Variants in TEDC1 observed in about 807,000 individuals in gnomAD.
TEDC1 encodes the protein tubulin epsilon and delta complex protein 1.
In TEDC1, 54 loss-of-function variants were observed where a neutral mutation model predicts 59.9. The observed-to-expected ratio is 0.90, with a 90% confidence interval of 0.72 to 1.13. The LOEUF (loss-of-function observed/expected upper bound fraction) is 1.13, where lower values mean the gene tolerates loss of function less well. TEDC1 is among the 50% of genes most tolerant of loss of function. The pLI is 0.00. For missense variants in TEDC1, 734 were observed against 683.4 expected (o/e 1.07, Z -0.83); for synonymous variants, 353 against 298.1 (o/e 1.18, Z -1.90).
chr14:105,497,592 C>G (rs957454215), intron 7 of TEDC1, 149 bp downstream of exon 7: 1 of 1,148,244 alleles, frequency 8.7e-7, no homozygotes, highest in Non-Finnish European at 1.2e-6. Context: ...GACTTCCACT[C>G]GCCTTCTGGG....
intron 2 of TEDC1, 150 bp from the exon 3 acceptor site, chr14:105,491,957 C>A (rs2084223381): frequency 2.1e-6 from 2 of 931,258 alleles, no homozygotes; most frequent in Non-Finnish European, 3.2e-6. Flanking sequence ...GTCTCCTCAT[C>A]CTGGTCTGAG....
In TEDC1 at chr14:105,493,778, G is replaced by A. The variant is rs2084273826; in HGVS notation, c.586-57G>A. The A allele has an allele frequency of 3.2e-6, 4 of 1,269,286 alleles. No individual in the cohort carries two copies. In the South Asian group the frequency reaches 4.9e-5, roughly 16 times the overall value. 78.6% of individuals were successfully genotyped at this position (1,269,286 alleles called of 1,614,324 possible). ...ACCTCCCTGGACTCATGGAGACTCA[G>A]CGTTGGGGGAGGTGCTTGACTGCCA... On this transcript the variant is annotated intron_variant, in intron 4 of 8. Coordinates refer to ENST00000392523, the MANE Select transcript of TEDC1 (RefSeq NM_001367178.1).
chr14:105,491,660 G>T lies in TEDC1; in HGVS notation c.186G>T (p.Ser62=). The change falls in exon 2 of 9, where the codon TCG becomes TCT. Residue 62 remains serine (S), a synonymous_variant. Coordinates refer to ENST00000392523, the MANE Select transcript of TEDC1 (RefSeq NM_001367178.1). ...ALWQLLFRVL[S]PLPAGNALAS... is the part of the protein sequence containing the mutation. ...GGCAGCTCCTCTTCCGTGTGCTCTC[G>T]CCACTCCCTGCGGGCAACGCCTTGG... 1 of 1,549,544 alleles carries T rather than the reference G, an allele frequency of 6.5e-7. No homozygotes were observed. The highest frequency in any genetic ancestry group is 1.4e-5 in the African/African-American group (1 of 73,142).
At chr14:105,496,436 C>G (rs1360357368) in intron 6 of TEDC1, 1 of 273,714 alleles carries the variant, frequency 3.7e-6, no homozygotes. Flanking sequence ...TGGGTTGGAC[C>G]TGGTGTTCAA....
At chr14:105,498,006 G>A in intron 8 of TEDC1, 29 bp downstream of exon 8, 1 of 1,483,580 alleles carries the variant, frequency 6.7e-7, no homozygotes, top group South Asian at 1.3e-5. Context: ...CTGGGCACCA[G>A]CCCAGCCCCA....
rs782060512 is a variant in TEDC1 at position 105,496,431 on chromosome 14, T to G, written c.891+345T>G. On this transcript the variant is annotated intron_variant, in intron 6 of 8. Transcript: ENST00000392523. Reference sequence around the variant, plus strand: ...CTGCTCCGCCCCAGAGGGGCTGGGTTGGACCTGGTGTTCAAGGCCATTCCT... The same window carrying G: ...CTGCTCCGCCCCAGAGGGGCTGGGTGGGACCTGGTGTTCAAGGCCATTCCT... The G allele has an allele frequency of 1.4e-5, 4 of 278,888 alleles. No individual in the cohort carries two copies. The South Asian group carries it at 1.8e-4, about 12-fold the overall frequency. 17.3% of individuals were successfully genotyped at this position (278,888 alleles called of 1,614,324 possible).
chr14:105,494,316 G>A (rs1486500728), intron 5 of TEDC1: 1 of 294,686 alleles, frequency 3.4e-6, no homozygotes, highest in South Asian at 3.2e-5. Flanking sequence ...GGCACCTAGG[G>A]GTGTGGGGGG....
rs1555441224 is a variant in TEDC1, at chr14:105,499,083, GT to G, written c.*138del. 3 of 975,114 alleles carry G rather than the reference GT, an allele frequency of 3.1e-6. No individual in the cohort carries two copies. Among genetic ancestry groups the G allele is most frequent in the Non-Finnish European group, 4.4e-6 (3 of 676,956 alleles). 60.4% of individuals were successfully genotyped at this position (975,114 alleles called of 1,614,324 possible). On this transcript the variant is annotated 3_prime_UTR_variant, in exon 9 of 9. Coordinates refer to ENST00000392523, the MANE Select transcript of TEDC1 (RefSeq NM_001367178.1). ...CCCACGTCACATGCTCGCTCCAGGG[GT>G]GGGGCTGGGCTGACTCTGGCCGGAT...
intron 7 of TEDC1, 145 bp from the exon 8 acceptor site, chr14:105,497,653 C>G: frequency 8.4e-7 from 1 of 1,195,692 alleles, no homozygotes; most frequent in Non-Finnish European, 1.1e-6. Context: ...TAGAGTGTGG[C>G]CTTTGTGCCT....
At position 105,494,647 on chromosome 14, in the gene TEDC1, A is replaced by C. The variant is rs782370612; in HGVS notation, c.684+714A>C. On this transcript the variant is annotated intron_variant, in intron 5 of 8. Transcript: ENST00000392523. ...GGTGGCTGTGTGACCTTGGGGAGACAGCATCCTCCTCTGACTGGGGCTGCT... is the reference window on the plus strand; with the variant it reads ...GGTGGCTGTGTGACCTTGGGGAGACCGCATCCTCCTCTGACTGGGGCTGCT... The C allele has an allele frequency of 2.6e-5, 4 of 152,702 alleles. No individual in the cohort carries two copies. In the South Asian group the frequency reaches 6.2e-4, roughly 24 times the overall value. The allele number at this position is 152,702 out of a possible 1,614,324, so 9.5% of individuals were successfully genotyped here.
Position 105,491,450 on chromosome 14 carries a change from G to A in TEDC1, c.75G>A (p.Ala25=). ...GGGCCCTGCCTGAGGCCATCGCCGC[G>A]TTGAGTCGGTCGCTGCCCTCGGGAC... The part of the protein sequence containing the change: ...RAGALPEAIA[A]LSRSLPSGPS... The change falls in exon 1 of 9, where the codon GCG becomes GCA. Residue 25 remains alanine (A), a synonymous_variant. Transcript: ENST00000392523. 3 of 1,458,020 alleles carry A rather than the reference G, an allele frequency of 2.1e-6. No homozygotes were observed. The highest frequency in any genetic ancestry group is 1.4e-5 in the South Asian group (1 of 72,438). 90.3% of individuals were successfully genotyped at this position (1,458,020 alleles called of 1,614,324 possible).
At position 105,497,415 on chromosome 14, in the gene TEDC1, G is replaced by A. The variant is rs782201254; in HGVS notation, c.950G>A (p.Arg317His). Residue 317 changes from arginine to histidine, a missense_variant, in exon 7 of 9, where the codon CGC becomes CAC. Transcript: ENST00000392523. ...CTGGAGGCTGTCCTGGCGTGGCGGC[G>A]CTCTGAGCTGGTCTTCTGGCGGTGG... ...QRLEAVLAWR[R>H]SELVFWRWMD... The A allele has an allele frequency of 5.8e-6, 9 of 1,550,770 alleles. No individual in the cohort carries two copies. The highest frequency in any genetic ancestry group is 1.2e-5 in the South Asian group (1 of 84,352).
chr14:105,496,146 G>GGGGGGGGGGGGGGGGGGGGGCCCCCCCC, intron 6 of TEDC1, 60 bp downstream of exon 6: 1 of 331,608 alleles, frequency 3.0e-6, no homozygotes, highest in Non-Finnish European at 5.9e-6. Flanking sequence ...GGGTGGGAGG[G>GGGGGGGGGGGGGGGGGGGGGCCCCCCCC]GGTGGCGAGG....
chr14:105,498,631 A>G lies in TEDC1; in HGVS notation c.1173A>G (p.Gly391=). The part of the protein sequence containing the change: ...AAWEAKAGGC[G]RGPEWSAARR... ...GTCCCACGCAGGCTGGAGGCTGTGG[A>G]CGGGGGCCAGAGTGGAGTGCCGCGC... Residue 391 remains glycine, a synonymous_variant, in exon 9 of 9, where the codon GGA becomes GGG. Transcript: ENST00000392523. 6.5e-7 allele frequency: 1 copy of G among 1,547,758 alleles called. No homozygotes were observed. The highest frequency in any genetic ancestry group is 8.7e-7 in the Non-Finnish European group (1 of 1,145,190).
chr14:105,492,102 C>T lies in TEDC1; in HGVS notation c.227-5C>T. ...TCCCCCTAAGGTGGTGGTCTTCTGT[C>T]CTAGAGGTCCAAGCCCGCTTGGTGA... On this transcript the variant is annotated splice_polypyrimidine_tract_variant and splice_region_variant and intron_variant, in intron 2 of 8. Coordinates refer to ENST00000392523, the MANE Select transcript of TEDC1 (RefSeq NM_001367178.1). 7 of 1,592,734 alleles carry T rather than the reference C, an allele frequency of 4.4e-6. No individual in the cohort carries two copies. Among genetic ancestry groups the T allele is most frequent in the East Asian group, 2.3e-5 (1 of 43,654 alleles).
In TEDC1 at chr14:105,497,342, C is replaced by A; in HGVS notation, c.892-15C>A. On this transcript the variant is annotated splice_polypyrimidine_tract_variant and intron_variant, in intron 6 of 8. Transcript: ENST00000392523. Reference sequence around the variant, plus strand: ...CCCGTGTGAGGTTCTAGGCCAGCTGCCGTTTGCCTTCCAGCTGCTGCGGAC... The same window carrying A: ...CCCGTGTGAGGTTCTAGGCCAGCTGACGTTTGCCTTCCAGCTGCTGCGGAC... 6.5e-7 allele frequency: 1 copy of A among 1,549,586 alleles called. No individual in the cohort carries two copies. The highest frequency in any genetic ancestry group is 8.7e-7 in the Non-Finnish European group (1 of 1,146,864).
In TEDC1 at chr14:105,499,223, T is replaced by G. The variant is rs941007721; in HGVS notation, c.*277T>G. On this transcript the variant is annotated 3_prime_UTR_variant, in exon 9 of 9. Coordinates refer to ENST00000392523, the MANE Select transcript of TEDC1 (RefSeq NM_001367178.1). The stretch of plus-strand genomic sequence containing the variant: ...ACTCGGAAATAAATTGTAGCAGCTT[T>G]CCTGCCGCTGGCCCTCCCCCTGCCA... 3.7e-6 allele frequency: 2 copies of G among 534,806 alleles called. No homozygotes were observed. The highest frequency in any genetic ancestry group is 6.7e-6 in the Non-Finnish European group (2 of 300,656). The allele number at this position is 534,806 out of a possible 1,614,324, so 33.1% of individuals were successfully genotyped here.
At chr14:105,496,268 G>A (rs1269142910) in intron 6 of TEDC1, 182 bp downstream of exon 6, 3 of 653,044 alleles carry the variant, frequency 4.6e-6, no homozygotes, top group East Asian at 5.6e-5. Flanking sequence ...ACCCATGGTG[G>A]AGGCCTTTGC....
In TEDC1 at chr14:105,491,667, C is replaced by A; in HGVS notation, c.193C>A (p.Pro65Thr). ...CCTCTTCCGTGTGCTCTCGCCACTCCCTGCGGGCAACGCCTTGGCATCGCT... is the reference window on the plus strand; with the variant it reads ...CCTCTTCCGTGTGCTCTCGCCACTCACTGCGGGCAACGCCTTGGCATCGCT... ...QLLFRVLSPL[P>T]AGNALASLAL... Residue 65 changes from proline (P) to threonine (T), a missense_variant, in exon 2 of 9, where the codon CCT becomes ACT. By Grantham distance (38) the Pro-to-Thr change is conservative. Transcript: ENST00000392523. The A allele has an allele frequency of 1.3e-6, 2 of 1,549,662 alleles. No homozygotes were observed. Among genetic ancestry groups the A allele is most frequent in the South Asian group, 1.2e-5 (1 of 84,064 alleles).
Sources: allele counts gnomAD v4.1 joint callset, GRCh38; gene constraint gnomAD v4.1.1; transcripts MANE v1.5; gene names NCBI Gene and HGNC (gene_info 2026-07-23, HGNC 2026-07-21).